The following DNHD1 variants were observed in gnomAD, a reference collection of about 807,000 sequenced individuals.
DNHD1 encodes the protein dynein heavy chain domain 1, also known as dynein heavy chain domain-containing protein 1.
Under a neutral mutation model 458.1 loss-of-function variants are expected in DNHD1, and 383 were observed. The ratio of observed to expected loss-of-function variants is 0.84; its 90% CI spans 0.77 to 0.91. The LOEUF (loss-of-function observed/expected upper bound fraction) is 0.91. Ranked by LOEUF, DNHD1 falls within the 40% of genes least tolerant of loss-of-function variation. The pLI is 0.00. For synonymous variants in DNHD1, 2,203 were observed against 2,376.9 expected (o/e 0.93, Z 2.13); for missense variants, 5,336 against 5,866.1 (o/e 0.91, Z 2.95).
intron 14 of DNHD1, among the ~76,000 whole-genome samples, chr11:6,534,570 C>T (rs993075904): frequency 1.3e-5 from 2 of 152,166 alleles, no homozygotes; most frequent in Admixed American, 6.5e-5. Flanking sequence ...TCTTGATGCT[C>T]TAGCAGATCA....
At position 6,506,391 on chromosome 11, in the gene DNHD1, A is replaced by T. The variant is rs145460200; in HGVS notation, c.921-2489A>T. Among the ~76,000 whole-genome samples the T allele has an allele frequency of 1.2e-3, 185 of 152,324 alleles. 1 individual carries two copies. Among genetic ancestry groups the T allele is most frequent in the Admixed American group, 8.4e-3 (129 of 15,304 alleles). ...ACATTTTTGGGTTCTCTGATGTGTT[A>T]TACAGATATTATATTTCATATATTA... On this transcript the variant is annotated intron_variant, in intron 4 of 42. Transcript: ENST00000254579.
rs1201367316 is a variant in DNHD1, at chr11:6,538,402, C to G, written c.3018C>G (p.Pro1006=). 4.5e-6 allele frequency: 7 copies of G among 1,551,662 alleles called. No individual in the cohort carries two copies. The highest frequency in any genetic ancestry group is 6.1e-6 in the Non-Finnish European group (7 of 1,147,022). ...AIFTEDETPV[P]LPICGTRPIV... Reference sequence around the variant, plus strand: ...CCACAGAGGATGAGACTCCTGTGCCCTTGCCAATCTGTGGGACACGTCCTA... The same window carrying G: ...CCACAGAGGATGAGACTCCTGTGCCGTTGCCAATCTGTGGGACACGTCCTA... Residue 1006 remains proline, a synonymous_variant, in exon 15 of 43, where the codon CCC becomes CCG. Transcript: ENST00000254579.
At chr11:6,532,301 G>C (rs1423736860) in intron 12 of DNHD1, among the ~76,000 whole-genome samples, 1 of 152,122 alleles carries the variant, frequency 6.6e-6, no homozygotes, top group Non-Finnish European at 1.5e-5. Context: ...CTTACAACGG[G>C]ATCTTAGATT....
At chr11:6,499,144 G>C (rs1291090227) in intron 3 of DNHD1, among the ~76,000 whole-genome samples, 183 bp downstream of exon 3, 6 of 152,238 alleles carry the variant, frequency 3.9e-5, no homozygotes, top group Non-Finnish European at 8.8e-5. Context: ...AATAAACCCA[G>C]TGGTGTTAGT....
chr11:6,544,269 G>T lies in DNHD1; in HGVS notation c.3754+23G>T, dbSNP rs745465086. On this transcript the variant is annotated intron_variant, in intron 19 of 42. Transcript: ENST00000254579. ...TGGGTAAGTGCAGGCCTCTAGCCAG[G>T]CTGATGGGTGAGACCTGAGGCAGGA... The T allele has an allele frequency of 1.9e-5, 29 of 1,551,204 alleles. 1 individual carries two copies. The highest frequency in any genetic ancestry group is 1.2e-4 in the Admixed American group (6 of 50,986).
rs1297147148 is a variant in DNHD1, at chr11:6,538,450, G to A, written c.3066G>A (p.Trp1022Ter). 1 of 1,551,792 alleles carries A rather than the reference G, an allele frequency of 6.4e-7. No individual in the cohort carries two copies. The highest frequency in any genetic ancestry group is 1.4e-5 in the African/African-American group (1 of 73,192). The change falls in exon 15 of 43, where the codon TGG (tryptophan) becomes TGA (stop). Residue 1022 changes from tryptophan to a stop codon, truncating the protein, a stop_gained. Transcript: ENST00000254579. LOFTEE classifies it high-confidence loss of function. ...TRPIVQQQRI[W>*]HLYRVISENI... ...CTATTGTGCAGCAGCAGCGCATATGGCACCTGTACCGAGTCATCTCCGAAA... is the reference window on the plus strand; with the variant it reads ...CTATTGTGCAGCAGCAGCGCATATGACACCTGTACCGAGTCATCTCCGAAA...
At chr11:6,543,953 T>A (rs1381555113) in intron 18 of DNHD1, among the ~76,000 whole-genome samples, 168 bp from the exon 19 acceptor site, 1 of 82,144 alleles carries the variant, frequency 1.2e-5, no homozygotes, top group East Asian at 3.2e-4. Context: ...AGCGAGACTC[T>A]GTCTCAAAAA....
At position 6,520,242 on chromosome 11, in the gene DNHD1, T is replaced by C; in HGVS notation, c.1790T>C (p.Val597Ala). Reference protein sequence around the residue: ...QSVKTSALQVVQSADLKTSSD... With the variant: ...QSVKTSALQVAQSADLKTSSD... ...TCTCCATATCCTGGCATGAAGGTAG[T>C]GCAGTCTGCAGACCTGAAGACCTCC... Residue 597 changes from valine (V) to alanine (A), a missense_variant, in exon 10 of 43, where the codon GTG (valine) becomes GCG (alanine). By Grantham distance (64) the Val-to-Ala change is moderately conservative. Around this residue, in one of 4 missense-constraint regions of DNHD1, gnomAD observed 3,932 missense variants for 4,365.6 expected, o/e 0.90. Coordinates refer to ENST00000254579, the MANE Select transcript of DNHD1 (RefSeq NM_144666.3). The C allele has an allele frequency of 6.4e-7, 1 of 1,554,838 alleles. No homozygotes were observed. The highest frequency in any genetic ancestry group is 1.2e-5 in the South Asian group (1 of 84,748).
rs543094475 is a variant in DNHD1 at position 6,563,482 on chromosome 11, C to A, written c.9770C>A (p.Thr3257Asn). ...RAPPESVVRV[T>N]DAMCDLFHHE... Reference sequence around the variant, plus strand: ...CCACCAGAATCTGTGGTCCGGGTAACTGATGCAATGTGTGACTTGTTCCAC... The same window carrying A: ...CCACCAGAATCTGTGGTCCGGGTAAATGATGCAATGTGTGACTTGTTCCAC... Residue 3257 changes from threonine to asparagine, a missense_variant, in exon 30 of 43, where the codon ACT (threonine) becomes AAT (asparagine). Thr to Asn is a moderately conservative substitution (Grantham distance 65). Around this residue, in one of 4 missense-constraint regions of DNHD1, gnomAD observed 3,932 missense variants for 4,365.6 expected, o/e 0.90. Coordinates refer to ENST00000254579, the MANE Select transcript of DNHD1 (RefSeq NM_144666.3). 5.2e-6 allele frequency: 8 copies of A among 1,551,688 alleles called. No individual in the cohort carries two copies. In the South Asian group the frequency reaches 8.3e-5, roughly 16 times the overall value.
At chr11:6,542,732 G>A (rs1853123143) in intron 18 of DNHD1, among the ~76,000 whole-genome samples, 2 of 152,194 alleles carry the variant, frequency 1.3e-5, no homozygotes, top group Non-Finnish European at 2.9e-5. Context: ...GGTTGTTACA[G>A]GATTGGGCAC....
At position 6,538,749 on chromosome 11, in the gene DNHD1, C is replaced by A; in HGVS notation, c.3264C>A (p.Pro1088=). ...RILGEFRSYL[P]LLTKLGSLHP... ...TGGGGGAGTTTCGCAGCTACCTGCCCCTGCTCACTAAGCTGGGCAGCCTCC... is the reference window on the plus strand; with the variant it reads ...TGGGGGAGTTTCGCAGCTACCTGCCACTGCTCACTAAGCTGGGCAGCCTCC... Residue 1088 remains proline, a synonymous_variant, in exon 16 of 43, where the codon CCC becomes CCA. Transcript: ENST00000254579. The A allele has an allele frequency of 1.3e-6, 2 of 1,547,310 alleles. No homozygotes were observed. The highest frequency in any genetic ancestry group is 1.7e-6 in the Non-Finnish European group (2 of 1,144,208).
chr11:6,552,685 G>A (rs924329083), intron 24 of DNHD1, among the ~76,000 whole-genome samples: 2 of 152,048 alleles, frequency 1.3e-5, no homozygotes, highest in Admixed American at 6.5e-5. Flanking sequence ...TGTACCATCA[G>A]AACTTATGAG....
rs909930891 is a variant in DNHD1, at chr11:6,545,623, C to T, written c.4684C>T (p.Leu1562=). 6 of 1,551,758 alleles carry T rather than the reference C, an allele frequency of 3.9e-6. No homozygotes were observed. The African/African-American group carries it at 6.8e-5, about 18-fold the overall frequency. Residue 1562 remains leucine, a synonymous_variant, in exon 21 of 43, where the codon CTG becomes TTG. Transcript: ENST00000254579. This position sits in a 1 kb window ranked among gnomAD's most constrained non-coding sequence, Gnocchi z 4.9. The part of the protein sequence containing the change: ...AQRASQGGQS[L]PSVRQTSLLS... ...GAGGGCTTCCCAAGGTGGGCAGTCC[C>T]TGCCTTCTGTCCGCCAGACCAGCCT...
intron 14 of DNHD1, among the ~76,000 whole-genome samples, chr11:6,538,171 T>C (rs1489713393): frequency 6.6e-6 from 1 of 152,160 alleles, no homozygotes; most frequent in African/African-American, 2.4e-5. Flanking sequence ...GCCATCACAT[T>C]TTCCCAGATG....
Position 6,570,747 on chromosome 11 carries a change from C to G in DNHD1, c.13235C>G (p.Ala4412Gly). 1 of 1,611,952 alleles carries G rather than the reference C, an allele frequency of 6.2e-7. No individual in the cohort carries two copies. The highest frequency in any genetic ancestry group is 1.1e-5 in the South Asian group (1 of 90,722). Residue 4412 changes from alanine (A) to glycine (G), a missense_variant, in exon 42 of 43, where the codon GCT (alanine) becomes GGT (glycine). By Grantham distance (60) the Ala-to-Gly change is moderately conservative (BLOSUM62 0). Transcript: ENST00000254579. ...QAWLLRRQSR[A>G]LLSALQRSSP... Reference sequence around the variant, plus strand: ...TGGCTGTTGCGACGCCAGAGTCGCGCTCTCTTGAGTGCGCTGCAGCGGAGT... The same window carrying G: ...TGGCTGTTGCGACGCCAGAGTCGCGGTCTCTTGAGTGCGCTGCAGCGGAGT...
At chr11:6,558,421 G>A (rs1853515814) in intron 25 of DNHD1, 64 bp from the exon 26 acceptor site, 2 of 1,543,052 alleles carry the variant, frequency 1.3e-6, no homozygotes, top group Non-Finnish European at 1.7e-6. Context: ...GTCTGGCTGG[G>A]ACTGGGGCCA....
Position 6,557,195 on chromosome 11 carries a change from C to T in DNHD1, c.7900C>T (p.Leu2634=). The T allele has an allele frequency of 1.3e-6, 2 of 1,551,712 alleles. No homozygotes were observed. The highest frequency in any genetic ancestry group is 1.7e-6 in the Non-Finnish European group (2 of 1,147,006). Residue 2634 remains leucine, a synonymous_variant, in exon 25 of 43, where the codon CTG becomes TTG. Coordinates refer to ENST00000254579, the MANE Select transcript of DNHD1 (RefSeq NM_144666.3). Reference sequence around the variant, plus strand: ...GGTGTCAGGCCTGCGAGGCACTTGTCTGACCGTTATGATGGCCACACGCAA... The same window carrying T: ...GGTGTCAGGCCTGCGAGGCACTTGTTTGACCGTTATGATGGCCACACGCAA... ...RRVSGLRGTC[L]TVMMATRNVV...
rs184635244 is a variant in DNHD1 at position 6,541,667 on chromosome 11, A to C, written c.3628+1584A>C. On this transcript the variant is annotated intron_variant, in intron 18 of 42. Transcript: ENST00000254579. ...TGTGGGCCACATTAATAATTTACTC[A>C]ATAACATGAAAACAATAGAGGGTCA... is the stretch of plus-strand genomic sequence containing the variant. Among the ~76,000 whole-genome samples the C allele has an allele frequency of 3.1e-4, 47 of 152,316 alleles. No individual in the cohort carries two copies. In the East Asian group the frequency reaches 8.1e-3, roughly 26 times the overall value.
Position 6,539,313 on chromosome 11 carries a change from G to C in DNHD1, c.3420G>C (p.Gln1140His). ...TGGAGTTTGCAGATCGAATCAACCA[G>C]GTGGGGCCCTCAGTACAGGGGCGAG... ...PLLEFADRIN[Q>H]VWQNENERIH... Residue 1140 changes from glutamine to histidine, a missense_variant and splice_region_variant, in exon 17 of 43, where the codon CAG becomes CAC. Physicochemically the swap from Gln to His is conservative, Grantham distance 24 (BLOSUM62 0). This residue lies in a region of DNHD1 where 3,932 missense variants were observed against 4,365.6 expected (regional missense o/e 0.90). Coordinates refer to ENST00000254579, the MANE Select transcript of DNHD1 (RefSeq NM_144666.3). The C allele has an allele frequency of 6.4e-7, 1 of 1,550,656 alleles. No individual in the cohort carries two copies.
Sources: gnomAD v4.1 joint callset for allele counts (sites outside exome capture counted in the v4.1 genomes callset) on GRCh38, gnomAD v4.1.1 for gene constraint, gnomAD v4.1.1 regional missense constraint, Gnocchi (gnomAD v3.1) non-coding constraint, MANE v1.5 for transcripts, NCBI Gene and HGNC (gene_info 2026-07-23, HGNC 2026-07-21) for gene names.